Variants in SOX5 observed in about 807,000 individuals in gnomAD.
SOX5 encodes SRY-box transcription factor 5.
Under a neutral mutation model 92.0 loss-of-function variants are expected in SOX5, and 9 were observed. The observed-to-expected ratio is 0.10, with a 90% confidence interval of 0.06 to 0.17. The LOEUF is 0.17. Among genes scored for constraint, SOX5 ranks in the 10% least tolerant of loss-of-function variants. The pLI, the probability that SOX5 is intolerant of heterozygous loss-of-function variation, is 1.00. For synonymous variants in SOX5, 344 were observed against 336.3 expected (o/e 1.02, Z -0.25); for missense variants, 642 against 944.5 (o/e 0.68, Z 4.20).
At chr12:24,034,257 C>T (rs1204520038) in intron 4 of SOX5, among the ~76,000 whole-genome samples, 2 of 152,146 alleles carry the variant, frequency 1.3e-5, no homozygotes, top group African/African-American at 4.8e-5. Context: ...TCTCTCATTT[C>T]TCTAACACAA....
chr12:23,837,894 G>T lies in SOX5; in HGVS notation c.481+8089C>A, dbSNP rs1479404391. Among the ~76,000 whole-genome samples, 26 of 104,306 alleles carry T rather than the reference G, an allele frequency of 2.5e-4. 1 individual carries two copies. The East Asian group carries it at 7.0e-3, about 28-fold the overall frequency. 68.4% of individuals were successfully genotyped at this position (104,306 alleles called of 152,430 possible). On this transcript the variant is annotated intron_variant, in intron 3 of 14. Coordinates refer to ENST00000451604, the MANE Select transcript of SOX5 (RefSeq NM_006940.6). Reference sequence around the variant, plus strand: ...ATATTTATATTTATATAATATATAAGATATATTTATATTTATATACTATGT... The same window carrying T: ...ATATTTATATTTATATAATATATAATATATATTTATATTTATATACTATGT...
intron 1 of SOX5, among the ~76,000 whole-genome samples, chr12:24,390,089 C>T (rs1958834134): frequency 6.6e-6 from 1 of 152,130 alleles, no homozygotes; most frequent in South Asian, 2.1e-4. Flanking sequence ...GTTTTGAAAT[C>T]CTCCCCAAGT....
At chr12:23,566,726 G>A (rs1003123632) in intron 10 of SOX5, among the ~76,000 whole-genome samples, 5 of 152,196 alleles carry the variant, frequency 3.3e-5, no homozygotes, top group African/African-American at 9.7e-5. Context: ...TAACAGAAAT[G>A]TCAAGATTAA....
At chr12:24,333,003 TG>T (rs1951498664) in intron 2 of SOX5, among the ~76,000 whole-genome samples, 1 of 152,058 alleles carries the variant, frequency 6.6e-6, no homozygotes, top group Non-Finnish European at 1.5e-5. Flanking sequence ...CAAGAAACAG[TG>T]GTTCAATTTG....
intron 1 of SOX5, among the ~76,000 whole-genome samples, chr12:24,472,340 C>A (rs1330732358): frequency 6.6e-6 from 1 of 152,200 alleles, no homozygotes; most frequent in Non-Finnish European, 1.5e-5. Context: ...CTTTTCCCCT[C>A]ACAAGGGGAT....
intron 8 of SOX5, among the ~76,000 whole-genome samples, chr12:23,621,289 G>C (rs1415264667): frequency 6.6e-6 from 1 of 152,000 alleles, no homozygotes; most frequent in African/African-American, 2.4e-5. Context: ...TCAGGGGATG[G>C]GGGAAGAGGA....
At chr12:23,817,547 C>T (rs956649912) in intron 3 of SOX5, among the ~76,000 whole-genome samples, 30 of 152,190 alleles carry the variant, frequency 2.0e-4, no homozygotes, top group Middle Eastern at 3.4e-3. Flanking sequence ...AAAGAAGTTG[C>T]GTCATAGAGA....
intron 11 of SOX5, among the ~76,000 whole-genome samples, chr12:23,561,903 G>T (rs1242264111): frequency 2.0e-5 from 3 of 151,844 alleles, no homozygotes; most frequent in Non-Finnish European, 4.4e-5. Flanking sequence ...ACAAATAACG[G>T]CAATTTAGCT....
intron 4 of SOX5, among the ~76,000 whole-genome samples, chr12:24,019,745 T>G (rs574596453): frequency 5.4e-4 from 82 of 152,280 alleles, no homozygotes; most frequent in African/African-American, 1.9e-3. Flanking sequence ...CAGAGTTGAT[T>G]TACTACTATA....
chr12:24,406,292 G>A (rs774024980), intron 1 of SOX5, among the ~76,000 whole-genome samples: 5 of 152,144 alleles, frequency 3.3e-5, no homozygotes, highest in African/African-American at 4.8e-5. Context: ...GGGCGCTGAA[G>A]GAGAAGCCCT....
At chr12:23,586,080 G>A (rs908689275) in intron 9 of SOX5, among the ~76,000 whole-genome samples, 4 of 151,942 alleles carry the variant, frequency 2.6e-5, no homozygotes, top group East Asian at 1.9e-4. Flanking sequence ...ATGAGGAAGC[G>A]CGCTCTCTCT....
chr12:24,083,313 C>T (rs569731296), intron 4 of SOX5, among the ~76,000 whole-genome samples: 4 of 151,926 alleles, frequency 2.6e-5, no homozygotes, highest in Non-Finnish European at 5.9e-5. Flanking sequence ...ATTACAAAGA[C>T]CAAATATATA....
intron 4 of SOX5, among the ~76,000 whole-genome samples, chr12:23,956,952 G>A (rs2139954242): frequency 6.7e-6 from 1 of 149,718 alleles, no homozygotes; most frequent in Non-Finnish European, 1.5e-5. Flanking sequence ...ACAGGCATGA[G>A]CCACCATGCC....
At position 24,094,040 on chromosome 12, in the gene SOX5, G is replaced by A. The variant is rs1419106248; in HGVS notation, c.-2+119303C>T. On this transcript the variant is annotated intron_variant, in intron 4 of 4. Coordinates refer to the SOX5 transcript ENST00000446891. ...CGGCTCACTGCAACCTCTGCCTCCCGGGTTCAAGCGATTCTCCCGCCTCAG... is the reference window on the plus strand; with the variant it reads ...CGGCTCACTGCAACCTCTGCCTCCCAGGTTCAAGCGATTCTCCCGCCTCAG... Among the ~76,000 whole-genome samples, 6 of 151,614 alleles carry A rather than the reference G, an allele frequency of 4.0e-5. No individual in the cohort carries two copies. In the East Asian group the frequency reaches 9.7e-4, roughly 24 times the overall value.
At chr12:23,673,577 T>A (rs1372004400) in intron 6 of SOX5, among the ~76,000 whole-genome samples, 2 of 152,162 alleles carry the variant, frequency 1.3e-5, no homozygotes, top group African/African-American at 4.8e-5. Flanking sequence ...TAGGTATCCA[T>A]GATTAGAAAA....
At chr12:24,136,112 A>G (rs549531951) in intron 4 of SOX5, among the ~76,000 whole-genome samples, 40 of 152,336 alleles carry the variant, frequency 2.6e-4, no homozygotes, top group African/African-American at 9.1e-4. Context: ...GGGAATGGAA[A>G]GGAACAAAGA....
chr12:24,510,629 A>C (rs965881928), intron 1 of SOX5, among the ~76,000 whole-genome samples: 6 of 152,356 alleles, frequency 3.9e-5, no homozygotes, highest in African/African-American at 2.4e-5. Context: ...GCTTTTAAAA[A>C]ACACGTGCCT....
At chr12:24,381,981 G>A (rs1376845971) in intron 1 of SOX5, among the ~76,000 whole-genome samples, 5 of 152,192 alleles carry the variant, frequency 3.3e-5, no homozygotes, top group Non-Finnish European at 7.3e-5. Context: ...ATCGGCCTGA[G>A]ATTATTCATG....
chr12:24,202,678 A>G (rs1424003171), intron 4 of SOX5, among the ~76,000 whole-genome samples: 2 of 152,016 alleles, frequency 1.3e-5, no homozygotes, highest in African/African-American at 4.8e-5. Context: ...CTGCCAGGTT[A>G]TTTTGTAGTA....
Sources: allele counts gnomAD v4.1 joint callset (sites outside exome capture counted in the v4.1 genomes callset), GRCh38; gene constraint gnomAD v4.1.1; transcripts MANE v1.5; gene names NCBI Gene and HGNC (gene_info 2026-07-23, HGNC 2026-07-21).